CAST: variants seen among roughly 807,000 people sequenced by gnomAD.
CAST encodes the protein MIR583 host.
A neutral mutation model predicts 119.6 loss-of-function variants in CAST; 76 were observed. That is an observed-to-expected ratio of 0.64 (90% CI 0.53 to 0.77). The LOEUF (loss-of-function observed/expected upper bound fraction) is 0.77. Among genes scored for constraint, CAST ranks in the 30% least tolerant of loss-of-function variants. The probability of loss-of-function intolerance (pLI) is 0.00; values close to 1 mark genes in which losing one functional copy is unlikely to be tolerated. For synonymous variants in CAST, 319 were observed against 331.6 expected (o/e 0.96, Z 0.41); for missense variants, 953 against 946.5 (o/e 1.01, Z -0.09).
At chr5:96,105,544 T>C in the CAST span, among the ~76,000 whole-genome samples, 2 of 152,214 alleles carry the variant, frequency 1.3e-5, no homozygotes, top group East Asian at 1.9e-4. Flanking sequence ...CATTTATTGA[T>C]TTGCGTATAT....
At chr5:96,006,497 C>T in the CAST span, among the ~76,000 whole-genome samples, 4 of 152,182 alleles carry the variant, frequency 2.6e-5, no homozygotes, top group Non-Finnish European at 4.4e-5. Flanking sequence ...GCTGTGTCAT[C>T]GAGCACAATC....
At chr5:96,021,568 C>G in the CAST span, among the ~76,000 whole-genome samples, 2 of 152,110 alleles carry the variant, frequency 1.3e-5, no homozygotes, top group Non-Finnish European at 2.9e-5. Context: ...GCCTCAGCCT[C>G]CCAAGTAGCT....
At chr5:96,512,771 T>A in the CAST span, among the ~76,000 whole-genome samples, 2,432 of 152,328 alleles carry the variant, frequency 0.016, 72 homozygotes, top group African/African-American at 0.056. Context: ...AACAATTAAA[T>A]ACTTAGTATT....
chr5:96,291,751 C>T, the CAST span, among the ~76,000 whole-genome samples: 6 of 152,062 alleles, frequency 3.9e-5, no homozygotes, highest in South Asian at 1.0e-3. Context: ...GTTATGCTTT[C>T]TCTCCAGGAG....
At chr5:96,418,603 A>G in the CAST span, among the ~76,000 whole-genome samples, 2 of 152,322 alleles carry the variant, frequency 1.3e-5, no homozygotes, top group South Asian at 2.1e-4. Context: ...AGCAATACTG[A>G]TAGTTTGAAG....
the CAST span, among the ~76,000 whole-genome samples, chr5:96,129,604 A>G: frequency 1.3e-5 from 2 of 152,158 alleles, no homozygotes; most frequent in Non-Finnish European, 2.9e-5. Context: ...CTTTTGACAT[A>G]AGAGTGATCA....
At chr5:96,698,702 T>A (rs1753573492) in intron 3 of CAST, among the ~76,000 whole-genome samples, 1 of 152,196 alleles carries the variant, frequency 6.6e-6, no homozygotes, top group African/African-American at 2.4e-5. Flanking sequence ...ATTACACAGT[T>A]ATCATGGCAC....
the CAST span, among the ~76,000 whole-genome samples, chr5:96,002,490 G>T: frequency 6.6e-6 from 1 of 152,186 alleles, no homozygotes; most frequent in Non-Finnish European, 1.5e-5. Context: ...CAGAGGAAGA[G>T]AGACTCTTTG....
chr5:96,354,315 TAA>T, the CAST span, among the ~76,000 whole-genome samples: 13 of 152,206 alleles, frequency 8.5e-5, no homozygotes, highest in Non-Finnish European at 1.5e-4. Context: ...CACATATACA[TAA>T]AGAGTCAAAT....
intron 1 of CAST, among the ~76,000 whole-genome samples, chr5:96,591,072 A>G (rs1746953950): frequency 6.6e-6 from 1 of 152,234 alleles, no homozygotes. Context: ...AAACAGAAGC[A>G]TAAAGTGCTC....
intron 1 of CAST, among the ~76,000 whole-genome samples, chr5:96,530,796 A>T (rs904141648): frequency 6.6e-6 from 1 of 152,090 alleles, no homozygotes; most frequent in African/African-American, 2.4e-5. Flanking sequence ...AACTTTTTTT[A>T]AAAATTTTCT....
intron 1 of CAST, among the ~76,000 whole-genome samples, chr5:96,543,122 C>T (rs903934609): frequency 3.3e-5 from 5 of 152,080 alleles, no homozygotes; most frequent in East Asian, 1.9e-4. Flanking sequence ...AATAAACACT[C>T]GGAACCAACC....
the CAST span, among the ~76,000 whole-genome samples, chr5:96,085,269 A>T: frequency 6.6e-6 from 1 of 152,194 alleles, no homozygotes; most frequent in Non-Finnish European, 1.5e-5. Context: ...CAGAAATTCT[A>T]CCAGCCAGGG....
the CAST span, among the ~76,000 whole-genome samples, chr5:96,473,947 G>A: frequency 8.2e-3 from 1,244 of 152,248 alleles, 8 homozygotes; most frequent in Non-Finnish European, 0.014. Context: ...TCAGACAAAG[G>A]GCAGAGCATT....
At chr5:96,407,091 A>G in the CAST span, among the ~76,000 whole-genome samples, 2 of 152,258 alleles carry the variant, frequency 1.3e-5, no homozygotes, top group South Asian at 2.1e-4. Flanking sequence ...TAAAAGACAT[A>G]TAATTAATGT....
At chr5:96,538,080 T>C (rs1309382903) in intron 1 of CAST, among the ~76,000 whole-genome samples, 1 of 152,162 alleles carries the variant, frequency 6.6e-6, no homozygotes, top group African/African-American at 2.4e-5. Flanking sequence ...GCATGCAATC[T>C]ACACACAAGG....
chr5:96,430,957 A>G, the CAST span, among the ~76,000 whole-genome samples: 1 of 152,318 alleles, frequency 6.6e-6, no homozygotes, highest in East Asian at 1.9e-4. Flanking sequence ...TGAATGGTCT[A>G]GGTTTAGATG....
At chr5:96,458,832 A>T in the CAST span, among the ~76,000 whole-genome samples, 2 of 152,138 alleles carry the variant, frequency 1.3e-5, no homozygotes, top group Admixed American at 6.5e-5. Context: ...CAACTTTCGC[A>T]CATCATCTTT....
At chr5:96,153,609 A>G in the CAST span, among the ~76,000 whole-genome samples, 2 of 152,316 alleles carry the variant, frequency 1.3e-5, no homozygotes, top group Admixed American at 6.5e-5. Context: ...TCCTTTAGAA[A>G]ATGTGCATAA....
Sources: allele counts gnomAD v4.1 joint callset (sites outside exome capture counted in the v4.1 genomes callset), GRCh38; gene constraint gnomAD v4.1.1; transcripts MANE v1.5; gene names NCBI Gene and HGNC (gene_info 2026-07-23, HGNC 2026-07-21).